EBF1: variants seen among roughly 807,000 people sequenced by gnomAD.
The protein encoded by EBF1 is EBF transcription factor 1.
A neutral mutation model predicts 68.4 loss-of-function variants in EBF1; 10 were observed. The ratio of observed to expected loss-of-function variants is 0.15; its 90% CI spans 0.09 to 0.25. EBF1 has a LOEUF of 0.25. Ranked by LOEUF, EBF1 falls within the 10% of genes least tolerant of loss-of-function variation. The pLI is 1.00. For synonymous variants in EBF1, 298 were observed against 299.8 expected (o/e 0.99, Z 0.06); for missense variants, 509 against 794.4 (o/e 0.64, Z 4.32).
intron 6 of EBF1, among the ~76,000 whole-genome samples, chr5:158,878,644 CT>C (rs11445047): frequency 7.8e-5 from 11 of 140,578 alleles, no homozygotes; most frequent in East Asian, 2.1e-4. Context: ...TCTAGCCAGC[CT>C]TTTTTTTTTT....
intron 6 of EBF1, among the ~76,000 whole-genome samples, chr5:158,881,294 A>C (rs1178680272): frequency 6.6e-6 from 1 of 152,218 alleles, no homozygotes; most frequent in Non-Finnish European, 1.5e-5. Flanking sequence ...GACAGGACTA[A>C]AGTAGCCTGT....
chr5:158,890,780 A>C (rs1182949177), intron 6 of EBF1, among the ~76,000 whole-genome samples: 1 of 152,218 alleles, frequency 6.6e-6, no homozygotes, highest in Non-Finnish European at 1.5e-5. Flanking sequence ...GGAATGGATC[A>C]CTTTTGAAAG....
chr5:159,069,695 T>G (rs567046679), intron 6 of EBF1, among the ~76,000 whole-genome samples: 1 of 152,190 alleles, frequency 6.6e-6, no homozygotes, highest in Admixed American at 6.5e-5. Flanking sequence ...ATGTGACTTT[T>G]GTCATTATCA....
At chr5:158,800,499 A>G (rs1295993918) in intron 8 of EBF1, among the ~76,000 whole-genome samples, 2 of 152,224 alleles carry the variant, frequency 1.3e-5, no homozygotes, top group Non-Finnish European at 1.5e-5. Flanking sequence ...CTATGTAATA[A>G]TAATTTAAAA....
At position 158,955,066 on chromosome 5, in the gene EBF1, T is replaced by C. The variant is rs533578058; in HGVS notation, c.555-114956A>G. ...TGGGCCGGGCGCAGTGGCTCACGCCTGTAATCCCAGCACTTTGGGAGGCCG... is the reference window on the plus strand; with the variant it reads ...TGGGCCGGGCGCAGTGGCTCACGCCCGTAATCCCAGCACTTTGGGAGGCCG... On this transcript the variant is annotated intron_variant, in intron 6 of 15. Transcript: ENST00000313708. Among the ~76,000 whole-genome samples the C allele has an allele frequency of 1.7e-3, 252 of 152,264 alleles. 1 individual carries two copies. The highest frequency in any genetic ancestry group is 5.4e-3 in the African/African-American group (225 of 41,554).
At position 159,006,947 on chromosome 5, in the gene EBF1, C is replaced by T. The variant is rs181780430; in HGVS notation, c.554+66449G>A. On this transcript the variant is annotated intron_variant, in intron 6 of 15. Transcript: ENST00000313708. ...ACTCTTCCTATTTACATATGCTTTA[C>T]TTCTCAAAAGAATGTCACCTTCCTA... Among the ~76,000 whole-genome samples the T allele has an allele frequency of 6.7e-4, 102 of 152,308 alleles. 1 individual carries two copies. The highest frequency in any genetic ancestry group is 2.4e-3 in the African/African-American group (98 of 41,560).
At chr5:158,880,995 G>C (rs754769637) in intron 6 of EBF1, among the ~76,000 whole-genome samples, 1 of 151,932 alleles carries the variant, frequency 6.6e-6, no homozygotes, top group Non-Finnish European at 1.5e-5. Flanking sequence ...ATCACTTACA[G>C]ACTGCAAAGA....
intron 6 of EBF1, among the ~76,000 whole-genome samples, chr5:159,016,273 C>T (rs1194961702): frequency 2.0e-5 from 3 of 152,180 alleles, no homozygotes; most frequent in African/African-American, 4.8e-5. Context: ...TACAAACACA[C>T]TGTGTTCTCT....
intron 4 of EBF1, among the ~76,000 whole-genome samples, chr5:159,088,846 T>G (rs1463371627): frequency 6.6e-6 from 1 of 152,104 alleles, no homozygotes; most frequent in African/African-American, 2.4e-5. Flanking sequence ...GTAAATCAAT[T>G]GATAGTGAAT....
intron 6 of EBF1, among the ~76,000 whole-genome samples, chr5:158,844,270 TATC>T (rs1216004157): frequency 6.8e-6 from 1 of 147,900 alleles, no homozygotes; most frequent in East Asian, 2.0e-4. Context: ...GTACAAATAA[TATC>T]ATCTTGTGTT....
At chr5:158,800,691 G>A (rs149492036) in intron 8 of EBF1, among the ~76,000 whole-genome samples, 19 of 152,268 alleles carry the variant, frequency 1.2e-4, no homozygotes, top group Non-Finnish European at 2.8e-4. Context: ...ATGCAAAGCA[G>A]CCAAGGACTT....
rs58772680 is a variant in EBF1 at position 158,952,006 on chromosome 5, A to C, written c.555-111896T>G. ...AAATGAAGTCGACTACCGAGCACTC[A>C]GGAGTTTTTCATCCTGAAAGTCCAG... On this transcript the variant is annotated intron_variant, in intron 6 of 15. Transcript: ENST00000313708. Among the ~76,000 whole-genome samples the C allele has an allele frequency of 1.4e-3, 214 of 152,320 alleles. 1 individual carries two copies. The highest frequency in any genetic ancestry group is 4.9e-3 in the African/African-American group (205 of 41,572).
At chr5:158,972,238 C>A (rs886638297) in intron 6 of EBF1, among the ~76,000 whole-genome samples, 1 of 152,162 alleles carries the variant, frequency 6.6e-6, no homozygotes, top group African/African-American at 2.4e-5. Context: ...TTCCATCTAC[C>A]CAGCTGGATG....
chr5:159,061,847 T>G (rs1431483865), intron 6 of EBF1, among the ~76,000 whole-genome samples: 1 of 151,858 alleles, frequency 6.6e-6, no homozygotes, highest in South Asian at 2.1e-4. Flanking sequence ...TTTAATATAA[T>G]ATTAAGAAAA....
chr5:158,739,743 T>G (rs1478835746), intron 10 of EBF1, among the ~76,000 whole-genome samples: 1 of 152,226 alleles, frequency 6.6e-6, no homozygotes, highest in Non-Finnish European at 1.5e-5. Context: ...ATATTACTTC[T>G]ATAATTGTTC....
At chr5:158,836,247 G>A (rs2127948154) in intron 7 of EBF1, among the ~76,000 whole-genome samples, 1 of 152,306 alleles carries the variant, frequency 6.6e-6, no homozygotes, top group South Asian at 2.1e-4. Flanking sequence ...CAGAGATTCT[G>A]ATACCAGAGT....
chr5:158,783,888 G>T (rs1459051532), intron 9 of EBF1, among the ~76,000 whole-genome samples: 1 of 152,192 alleles, frequency 6.6e-6, no homozygotes, highest in Non-Finnish European at 1.5e-5. Context: ...CAGAAGAGAG[G>T]CAGGGAAGAG....
intron 6 of EBF1, among the ~76,000 whole-genome samples, chr5:158,951,964 C>A (rs1816105782): frequency 6.6e-6 from 1 of 152,198 alleles, no homozygotes; most frequent in Admixed American, 6.5e-5. Flanking sequence ...AACCCGCCAG[C>A]TTTTATTAGC....
intron 6 of EBF1, among the ~76,000 whole-genome samples, chr5:158,976,519 A>T (rs921335834): frequency 1.4e-5 from 2 of 146,258 alleles, no homozygotes; most frequent in African/African-American, 5.1e-5. Context: ...AGGCCTTGTC[A>T]TTACAGAAAC....
Sources: gnomAD v4.1 joint callset for allele counts (sites outside exome capture counted in the v4.1 genomes callset) on GRCh38, gnomAD v4.1.1 for gene constraint, MANE v1.5 for transcripts, NCBI Gene and HGNC (gene_info 2026-07-23, HGNC 2026-07-21) for gene names.